MAD1L1: variants seen among roughly 807,000 people sequenced by gnomAD.
The protein encoded by MAD1L1 is mitotic arrest deficient 1 like 1, also known as mitotic spindle assembly checkpoint protein MAD1.
MAD1L1 carries 95 observed loss-of-function variants against 96.9 expected under a neutral mutation model. The observed-to-expected ratio is 0.98, with a 90% CI of 0.83 to 1.16. The LOEUF (loss-of-function observed/expected upper bound fraction) is 1.16. Among genes scored for constraint, MAD1L1 ranks in the 50% most tolerant of loss-of-function variants. MAD1L1 has a pLI of 0.00. For synonymous variants in MAD1L1, 473 were observed against 396.6 expected, an observed-to-expected ratio of 1.19 and a Z score of -2.29; for missense variants, 1,007 against 954.4, an observed-to-expected ratio of 1.06 and a Z score of -0.73.
chr7:1,865,212 CA>C (rs1784723340), intron 18 of MAD1L1, among the ~76,000 whole-genome samples: 1 of 152,128 alleles, frequency 6.6e-6, no homozygotes, highest in Non-Finnish European at 1.5e-5. Context: ...CCCACAGAGT[CA>C]GGGGCCCAAG....
intron 17 of MAD1L1, among the ~76,000 whole-genome samples, chr7:1,910,951 G>A (rs1787976277): frequency 6.6e-6 from 1 of 152,186 alleles, no homozygotes; most frequent in African/African-American, 2.4e-5. Flanking sequence ...CCCCAACCCT[G>A]CACCCATCCC....
At chr7:1,875,747 G>C (rs957088148) in intron 18 of MAD1L1, among the ~76,000 whole-genome samples, 1 of 152,224 alleles carries the variant, frequency 6.6e-6, no homozygotes, top group Admixed American at 6.5e-5. Context: ...TGATGTAACC[G>C]AGCGGGGCTG....
chr7:1,896,786 G>A lies in MAD1L1; in HGVS notation c.1998+1414C>T, dbSNP rs529461029. On this transcript the variant is annotated intron_variant, in intron 18 of 18. Transcript: ENST00000265854. ...ACTACAGCACACGCAGGGATCCGGGGAAAACGCTGCCTCTTAATTTGTAAA... is the reference window on the plus strand; with the variant it reads ...ACTACAGCACACGCAGGGATCCGGGAAAAACGCTGCCTCTTAATTTGTAAA... Among the ~76,000 whole-genome samples the A allele has an allele frequency of 3.9e-5, 6 of 152,350 alleles. No individual in the cohort carries two copies. The South Asian group carries it at 8.3e-4, about 21-fold the overall frequency.
chr7:1,825,528 C>T (rs1228849743), intron 18 of MAD1L1, among the ~76,000 whole-genome samples: 1 of 152,248 alleles, frequency 6.6e-6, no homozygotes, highest in African/African-American at 2.4e-5. Context: ...GTGTGAGAGA[C>T]ACGGGCCCAA....
intron 18 of MAD1L1, among the ~76,000 whole-genome samples, chr7:1,817,996 CCCTGTTTCTGCT>C (rs1261200538): frequency 3.9e-5 from 6 of 152,058 alleles, no homozygotes; most frequent in Non-Finnish European, 8.8e-5. Flanking sequence ...CCTGCCCTCC[CCCTGTTTCTGCT>C]GCCTTAGTAC....
At chr7:1,895,494 A>C (rs1786809480) in intron 18 of MAD1L1, among the ~76,000 whole-genome samples, 1 of 152,204 alleles carries the variant, frequency 6.6e-6, no homozygotes, top group Non-Finnish European at 1.5e-5. Flanking sequence ...CAACTTGTAA[A>C]GCCCTTCCAT....
chr7:2,210,722 C>T (rs1792895037), intron 10 of MAD1L1, among the ~76,000 whole-genome samples: 1 of 152,216 alleles, frequency 6.6e-6, no homozygotes, highest in South Asian at 2.1e-4. Context: ...GGGGCCCAGG[C>T]ATGGCAGGCA....
Position 1,844,944 on chromosome 7 carries a change from A to T in MAD1L1, c.1999-28716T>A, listed in dbSNP as rs553227380. 3.3e-5 allele frequency among the ~76,000 whole-genome samples: 5 copies of T among 152,320 alleles called. No individual in the cohort carries two copies. The South Asian group carries it at 1.0e-3, about 32-fold the overall frequency. ...TGCTGGTCAGTGAGTGGGCACAGCCAGGGTCACTGTCCCGCCATCAGAAGG... is the reference window on the plus strand; with the variant it reads ...TGCTGGTCAGTGAGTGGGCACAGCCTGGGTCACTGTCCCGCCATCAGAAGG... On this transcript the variant is annotated intron_variant, in intron 18 of 18. Transcript: ENST00000265854.
intron 14 of MAD1L1, among the ~76,000 whole-genome samples, chr7:1,990,234 A>G (rs1781347980): frequency 6.6e-6 from 1 of 152,182 alleles, no homozygotes; most frequent in Non-Finnish European, 1.5e-5. Flanking sequence ...GTGAGGGCTC[A>G]CATCCCAGGG....
At chr7:2,228,159 G>T (rs1252968747) in intron 3 of MAD1L1, among the ~76,000 whole-genome samples, 2 of 151,994 alleles carry the variant, frequency 1.3e-5, no homozygotes, top group Admixed American at 1.3e-4. Context: ...CTCACCGAGA[G>T]GCCTTTACCA....
chr7:1,973,518 G>C (rs1468808891), intron 15 of MAD1L1, among the ~76,000 whole-genome samples: 1 of 151,896 alleles, frequency 6.6e-6, no homozygotes, highest in Admixed American at 6.6e-5. Context: ...AGTGGGGAAT[G>C]TGTACCTGCT....
intron 11 of MAD1L1, among the ~76,000 whole-genome samples, chr7:2,074,679 C>T (rs1311602265): frequency 6.6e-6 from 1 of 152,250 alleles, no homozygotes; most frequent in African/African-American, 2.4e-5. Flanking sequence ...CCTGGCGAAG[C>T]GCAGGTGTGG....
At chr7:1,895,641 C>T (rs1288280470) in intron 18 of MAD1L1, among the ~76,000 whole-genome samples, 1 of 152,250 alleles carries the variant, frequency 6.6e-6, no homozygotes. Flanking sequence ...GGAACACGGC[C>T]CAGAGCAGGC....
intron 11 of MAD1L1, among the ~76,000 whole-genome samples, chr7:2,100,686 C>A (rs1448168861): frequency 6.6e-6 from 1 of 152,232 alleles, no homozygotes; most frequent in Non-Finnish European, 1.5e-5. Flanking sequence ...GTGGGAGCCG[C>A]GTCCACCCAA....
chr7:1,936,075 C>T (rs937108469), intron 17 of MAD1L1, among the ~76,000 whole-genome samples: 3 of 152,356 alleles, frequency 2.0e-5, no homozygotes, highest in South Asian at 2.1e-4. Flanking sequence ...CTCTGGACTC[C>T]CAGCCCTGCT....
At chr7:2,224,119 T>C (rs913300827) in intron 4 of MAD1L1, among the ~76,000 whole-genome samples, 2 of 152,126 alleles carry the variant, frequency 1.3e-5, no homozygotes, top group African/African-American at 2.4e-5. Context: ...TGCCACACAA[T>C]GGAGATCCTG....
At chr7:1,832,715 T>C (rs2128627914) in intron 18 of MAD1L1, among the ~76,000 whole-genome samples, 1 of 73,798 alleles carries the variant, frequency 1.4e-5, no homozygotes, top group African/African-American at 4.9e-5. Flanking sequence ...CACTGCAACC[T>C]CCACCTCCCA....
At chr7:2,191,073 A>G (rs1407132646) in intron 10 of MAD1L1, among the ~76,000 whole-genome samples, 2 of 152,264 alleles carry the variant, frequency 1.3e-5, no homozygotes, top group African/African-American at 4.8e-5. Flanking sequence ...ATTATGGTAT[A>G]TCCGTTCGAT....
At chr7:2,141,200 C>A (rs1789013536) in intron 11 of MAD1L1, among the ~76,000 whole-genome samples, 1 of 152,240 alleles carries the variant, frequency 6.6e-6, no homozygotes, top group African/African-American at 2.4e-5. Flanking sequence ...GCAGGGCCAG[C>A]CTTGCCAAAG....
Sources: allele counts gnomAD v4.1 joint callset (sites outside exome capture counted in the v4.1 genomes callset), GRCh38; gene constraint gnomAD v4.1.1; transcripts MANE v1.5; gene names NCBI Gene and HGNC (gene_info 2026-07-23, HGNC 2026-07-21).